Variants in ANK3 observed in about 807,000 individuals in gnomAD.
The protein encoded by ANK3 is ankyrin 3.
ANK3 carries 57 observed loss-of-function variants against 370.9 expected under a neutral mutation model. The observed-to-expected ratio is 0.15, with a 90% CI of 0.12 to 0.19. The LOEUF is 0.19. Ranked by LOEUF, ANK3 falls within the 10% of genes least tolerant of loss-of-function variation. The probability of loss-of-function intolerance (pLI) is 1.00; values close to 1 mark genes in which losing one functional copy is unlikely to be tolerated. For missense variants in ANK3, 4,439 were observed against 5,302.1 expected, an observed-to-expected ratio of 0.84 and a Z score of 5.06; for synonymous variants, 1,929 against 1,946.3, an observed-to-expected ratio of 0.99 and a Z score of 0.23.
At chr10:60,264,353 A>G (rs773921042) in intron 5 of ANK3, among the ~76,000 whole-genome samples, 1 of 152,154 alleles carries the variant, frequency 6.6e-6, no homozygotes, top group Non-Finnish European at 1.5e-5. Flanking sequence ...ATATTCATAA[A>G]ATAATCTCAG....
intron 7 of ANK3, among the ~76,000 whole-genome samples, chr10:60,248,529 C>CAA (rs59480647): frequency 0.02 from 2,996 of 151,426 alleles, 84 homozygotes; most frequent in African/African-American, 0.069. Context: ...AGTTCTGCTA[C>CAA]AAAAAAAAGG....
Position 60,108,891 on chromosome 10 carries a change from C to T in ANK3, c.3112G>A (p.Glu1038Lys). 1 of 1,614,136 alleles carries T rather than the reference C, an allele frequency of 6.2e-7. No individual in the cohort carries two copies. Among genetic ancestry groups the T allele is most frequent in the Admixed American group, 1.7e-5 (1 of 60,020 alleles). ...AGCCTACTGGCTAATCCCTCTCCTTCCACCATGGGGGGTGGGTTGGCCAGT... is the reference window on the plus strand; with the variant it reads ...AGCCTACTGGCTAATCCCTCTCCTTTCACCATGGGGGGTGGGTTGGCCAGT... ...HKLANPPPMV[E>K]GEGLASRLVE... Residue 1038 changes from glutamate (E) to lysine (K), a missense_variant, in exon 27 of 44, where the codon GAA (glutamate) becomes AAA (lysine). Transcript: ENST00000280772.
intron 1 of ANK3, among the ~76,000 whole-genome samples, chr10:60,658,516 A>T (rs930882487): frequency 6.6e-6 from 1 of 152,032 alleles, no homozygotes; most frequent in African/African-American, 2.4e-5. Context: ...CATTTATGTT[A>T]TATTTATATA....
intron 2 of ANK3, among the ~76,000 whole-genome samples, chr10:60,414,130 T>C (rs527753288): frequency 6.6e-6 from 1 of 152,324 alleles, no homozygotes; most frequent in East Asian, 1.9e-4. Context: ...ATTTGTGATT[T>C]GAAAAAAGTG....
chr10:60,034,171 A>C (rs2074397549), intron 43 of ANK3, among the ~76,000 whole-genome samples: 1 of 133,624 alleles, frequency 7.5e-6, no homozygotes, highest in Non-Finnish European at 1.5e-5. Context: ...CAAAGGCATG[A>C]TCTTGGCTCA....
At chr10:60,494,486 T>C in intron 2 of ANK3, among the ~76,000 whole-genome samples, 1 of 152,166 alleles carries the variant, frequency 6.6e-6, no homozygotes, top group East Asian at 1.9e-4. Flanking sequence ...TTGATCATTG[T>C]ATTAAAATAT....
At chr10:60,698,721 G>A (rs2079502149) in intron 1 of ANK3, among the ~76,000 whole-genome samples, 1 of 121,494 alleles carries the variant, frequency 8.2e-6, no homozygotes, top group Admixed American at 9.8e-5. Flanking sequence ...ATGGACACAG[G>A]AAGGGGAACA....
At chr10:60,397,061 A>G (rs2063256191) in intron 2 of ANK3, among the ~76,000 whole-genome samples, 1 of 152,192 alleles carries the variant, frequency 6.6e-6, no homozygotes, top group Non-Finnish European at 1.5e-5. Context: ...TTGAAGATTC[A>G]GGAGACTGTT....
intron 2 of ANK3, among the ~76,000 whole-genome samples, chr10:60,585,503 A>G (rs1236271480): frequency 2.0e-5 from 3 of 152,170 alleles, no homozygotes; most frequent in Admixed American, 1.3e-4. Context: ...GAAAAAACCC[A>G]TTGAGATTTA....
rs1401167662 is a variant in ANK3, at chr10:60,073,173, T to G, written c.7708A>C (p.Lys2570Gln). ...TEDRLDRGRE[K>Q]LIYEDRVDRT... ...TCCACCCTATCTTCATATATCAACT[T>G]CTCTCTACCTCTGTCTAATCTGTCC... Residue 2570 changes from lysine to glutamine, a missense_variant, in exon 37 of 44, where the codon AAG (lysine) becomes CAG (glutamine). By Grantham distance (53) the Lys-to-Gln change is moderately conservative (BLOSUM62 1). Transcript: ENST00000280772. The G allele has an allele frequency of 3.1e-6, 5 of 1,613,978 alleles. No individual in the cohort carries two copies. The highest frequency in any genetic ancestry group is 2.5e-6 in the Non-Finnish European group (3 of 1,180,008).
In ANK3 at chr10:60,252,181, T is replaced by A. The variant is rs72820476; in HGVS notation, c.798+9678A>T. Reference sequence around the variant, plus strand: ...TGAACCCTAACCTCTACACTCTAGGTACCCCTTTGCCCTTTCTGTATATTC... The same window carrying A: ...TGAACCCTAACCTCTACACTCTAGGAACCCCTTTGCCCTTTCTGTATATTC... On this transcript the variant is annotated intron_variant, in intron 7 of 43. Transcript: ENST00000280772. Among the ~76,000 whole-genome samples, 10 of 152,188 alleles carry A rather than the reference T, an allele frequency of 6.6e-5. No individual in the cohort carries two copies. In the South Asian group the frequency reaches 2.1e-3, roughly 31 times the overall value.
intron 2 of ANK3, among the ~76,000 whole-genome samples, chr10:60,577,629 T>C (rs2077699515): frequency 6.6e-6 from 1 of 152,208 alleles, no homozygotes; most frequent in African/African-American, 2.4e-5. Flanking sequence ...TCCCCAGCCA[T>C]GTGGAACTGT....
chr10:60,036,934 A>G (rs2075132972), intron 43 of ANK3, among the ~76,000 whole-genome samples: 1 of 152,202 alleles, frequency 6.6e-6, no homozygotes, highest in Admixed American at 6.5e-5. Context: ...CATATGTAAC[A>G]TAAATACTTG....
chr10:60,358,517 T>C (rs2058130491), intron 1 of ANK3, among the ~76,000 whole-genome samples: 1 of 152,236 alleles, frequency 6.6e-6, no homozygotes, highest in Non-Finnish European at 1.5e-5. Context: ...GATGGGGTGC[T>C]CTGTGCTCAG....
chr10:60,225,362 T>C (rs1284716277), intron 8 of ANK3, among the ~76,000 whole-genome samples: 3 of 152,208 alleles, frequency 2.0e-5, no homozygotes, highest in African/African-American at 7.2e-5. Flanking sequence ...ATTGTGATCT[T>C]ATTTAATCTT....
At chr10:60,117,844 T>C (rs1225825617) in intron 25 of ANK3, among the ~76,000 whole-genome samples, 1 of 151,982 alleles carries the variant, frequency 6.6e-6, no homozygotes, top group East Asian at 1.9e-4. Flanking sequence ...AATCATAATA[T>C]AAGCCACATA....
intron 25 of ANK3, among the ~76,000 whole-genome samples, chr10:60,133,650 C>G (rs188701469): frequency 6.6e-6 from 1 of 152,020 alleles, no homozygotes; most frequent in African/African-American, 2.4e-5. Flanking sequence ...AGGCTGGGTG[C>G]GGTGGTTCAC....
At chr10:60,465,015 C>T (rs930437565) in intron 2 of ANK3, among the ~76,000 whole-genome samples, 5 of 152,282 alleles carry the variant, frequency 3.3e-5, no homozygotes, top group East Asian at 1.9e-4. Flanking sequence ...CCTGTAATCT[C>T]GGCACTTTGG....
chr10:60,432,756 G>A (rs770868599), intron 2 of ANK3, among the ~76,000 whole-genome samples: 32 of 152,186 alleles, frequency 2.1e-4, no homozygotes, highest in Non-Finnish European at 3.8e-4. Context: ...GGAATAAAAT[G>A]TTTCTCAGCA....
Sources: gnomAD v4.1 joint callset for allele counts (sites outside exome capture counted in the v4.1 genomes callset) on GRCh38, gnomAD v4.1.1 for gene constraint, MANE v1.5 for transcripts, NCBI Gene and HGNC (gene_info 2026-07-23, HGNC 2026-07-21) for gene names.